Variants in PPFIA2 observed in about 807,000 individuals in gnomAD.
PPFIA2 encodes liprin-alpha-2.
PPFIA2 carries 46 observed loss-of-function variants against 175.5 expected under a neutral mutation model. The ratio of observed to expected loss-of-function variants is 0.26; its 90% CI spans 0.21 to 0.34. The LOEUF (loss-of-function observed/expected upper bound fraction) is 0.34, where lower values mean the gene tolerates loss of function less well. Ranked by LOEUF, PPFIA2 falls within the 10% of genes least tolerant of loss-of-function variation. The probability of loss-of-function intolerance (pLI) is 1.00; values close to 1 mark genes in which losing one functional copy is unlikely to be tolerated. For missense variants in PPFIA2, 1,179 were observed against 1,506.1 expected, an observed-to-expected ratio of 0.78 and a Z score of 3.60; for synonymous variants, 568 against 511.4, an observed-to-expected ratio of 1.11 and a Z score of -1.49.
intron 3 of PPFIA2, among the ~76,000 whole-genome samples, chr12:81,712,412 A>C (rs1466422805): frequency 6.6e-6 from 1 of 151,346 alleles, no homozygotes; most frequent in Non-Finnish European, 1.5e-5. Flanking sequence ...GGCAGGAAAA[A>C]TGCTAAAATC....
chr12:81,352,716 G>A (rs182159553), intron 17 of PPFIA2, among the ~76,000 whole-genome samples: 11 of 152,150 alleles, frequency 7.2e-5, no homozygotes, highest in African/African-American at 2.2e-4. Context: ...ATACTATTTG[G>A]TACCTTTATT....
intron 20 of PPFIA2, among the ~76,000 whole-genome samples, chr12:81,340,705 AATTACG>A (rs2057896895): frequency 6.6e-6 from 1 of 152,072 alleles, no homozygotes; most frequent in Admixed American, 6.6e-5. Flanking sequence ...TTCAGACTTT[AATTACG>A]CTTATACTGC....
intron 4 of PPFIA2, among the ~76,000 whole-genome samples, chr12:81,636,842 A>G: frequency 6.6e-6 from 1 of 151,346 alleles, no homozygotes; most frequent in East Asian, 2.0e-4. Context: ...TAGTAGAGAT[A>G]GGGTTTCACT....
intron 5 of PPFIA2, among the ~76,000 whole-genome samples, chr12:81,456,208 C>A (rs1455673439): frequency 6.6e-6 from 1 of 151,940 alleles, no homozygotes; most frequent in Admixed American, 6.6e-5. Context: ...CACGAAAACA[C>A]AGTGTTAAGT....
intron 4 of PPFIA2, among the ~76,000 whole-genome samples, chr12:81,556,029 C>T (rs1438217123): frequency 6.6e-6 from 1 of 151,832 alleles, no homozygotes; most frequent in Non-Finnish European, 1.5e-5. Flanking sequence ...TTAAAAGCAT[C>T]TCTGGTGATT....
At chr12:81,309,698 C>T (rs1311104491) in intron 22 of PPFIA2, among the ~76,000 whole-genome samples, 1 of 151,978 alleles carries the variant, frequency 6.6e-6, no homozygotes, top group Non-Finnish European at 1.5e-5. Flanking sequence ...AACTAAAATT[C>T]ATTCATATTT....
intron 8 of PPFIA2, 89 bp from the exon 9 acceptor site, chr12:81,384,333 G>T: frequency 1.1e-6 from 1 of 928,746 alleles, no homozygotes; most frequent in Non-Finnish European, 1.5e-6. Context: ...AACTGACACT[G>T]CTTTCACAGT....
chr12:81,333,563 T>C (rs557706725), intron 21 of PPFIA2, among the ~76,000 whole-genome samples: 112 of 152,306 alleles, frequency 7.4e-4, no homozygotes, highest in African/African-American at 2.5e-3. Flanking sequence ...TCAACTCTTA[T>C]GTCTGTTAAT....
intron 8 of PPFIA2, among the ~76,000 whole-genome samples, chr12:81,398,548 G>C (rs1316194941): frequency 6.6e-6 from 1 of 151,964 alleles, no homozygotes. Context: ...ATTACTTTGA[G>C]CCATTGATCC....
intron 3 of PPFIA2, among the ~76,000 whole-genome samples, chr12:81,745,776 A>G (rs1037186421): frequency 6.6e-6 from 1 of 152,130 alleles, no homozygotes; most frequent in Admixed American, 6.6e-5. Flanking sequence ...ATGGGCATCC[A>G]CAGCCACTGT....
At chr12:81,388,716 T>C (rs972725980) in intron 8 of PPFIA2, among the ~76,000 whole-genome samples, 2 of 152,082 alleles carry the variant, frequency 1.3e-5, no homozygotes, top group Non-Finnish European at 2.9e-5. Flanking sequence ...AAATGTTTCA[T>C]AGAATTGAAA....
At chr12:81,530,446 G>C (rs1243980495) in intron 4 of PPFIA2, among the ~76,000 whole-genome samples, 1 of 151,982 alleles carries the variant, frequency 6.6e-6, no homozygotes, top group Non-Finnish European at 1.5e-5. Context: ...CCAATCTAAT[G>C]ATGTAATAGC....
intron 4 of PPFIA2, among the ~76,000 whole-genome samples, chr12:81,499,955 T>C (rs951569647): frequency 2.6e-5 from 4 of 152,178 alleles, no homozygotes; most frequent in Admixed American, 6.6e-5. Context: ...TCTGTGTTGC[T>C]ATTTTCAGTC....
At chr12:81,410,189 A>G (rs952587581) in intron 7 of PPFIA2, among the ~76,000 whole-genome samples, 3 of 152,142 alleles carry the variant, frequency 2.0e-5, no homozygotes, top group African/African-American at 7.2e-5. Flanking sequence ...TGTGATACAT[A>G]TACTTCTATT....
intron 4 of PPFIA2, among the ~76,000 whole-genome samples, chr12:81,631,568 T>C (rs1362427610): frequency 6.6e-6 from 1 of 152,220 alleles, no homozygotes; most frequent in African/African-American, 2.4e-5. Context: ...AAGTTCAAAG[T>C]ATACGTTTTT....
At chr12:81,550,491 T>C (rs574248295) in intron 4 of PPFIA2, among the ~76,000 whole-genome samples, 2 of 152,094 alleles carry the variant, frequency 1.3e-5, no homozygotes, top group Non-Finnish European at 2.9e-5. Flanking sequence ...TTAAGTGATA[T>C]ATTTTGAAGG....
intron 4 of PPFIA2, among the ~76,000 whole-genome samples, chr12:81,629,577 A>G (rs889037471): frequency 1.3e-5 from 2 of 152,130 alleles, no homozygotes; most frequent in African/African-American, 4.8e-5. Context: ...GCTACCCAAA[A>G]CCTGAGAAAC....
intron 4 of PPFIA2, among the ~76,000 whole-genome samples, chr12:81,654,636 C>T: frequency 6.6e-6 from 1 of 152,038 alleles, no homozygotes; most frequent in Admixed American, 6.6e-5. Flanking sequence ...TAAACATGAG[C>T]TCCAAAGGAG....
At chr12:81,304,523 T>C (rs941142024) in intron 22 of PPFIA2, among the ~76,000 whole-genome samples, 4 of 152,192 alleles carry the variant, frequency 2.6e-5, no homozygotes, top group Admixed American at 1.3e-4. Context: ...GCAATGCTTA[T>C]AGTGTTCTGG....
Sources: gnomAD v4.1 joint callset for allele counts (sites outside exome capture counted in the v4.1 genomes callset) on GRCh38, gnomAD v4.1.1 for gene constraint, MANE v1.5 for transcripts, NCBI Gene and HGNC (gene_info 2026-07-23, HGNC 2026-07-21) for gene names.